The following GABBR1 variants were observed in gnomAD, a reference collection of about 807,000 sequenced individuals.
GABBR1 encodes the protein gamma-aminobutyric acid type B receptor subunit 1, also known as GABA-B receptor, R1 subunit.
GABBR1 carries 35 observed loss-of-function variants against 117.7 expected under a neutral mutation model. That is an observed-to-expected ratio of 0.30 (90% CI 0.23 to 0.39). GABBR1 has a LOEUF of 0.39. Ranked by LOEUF, GABBR1 falls within the 10% of genes least tolerant of loss-of-function variation. The pLI is 1.00. For synonymous variants in GABBR1, 442 were observed against 486.6 expected, an observed-to-expected ratio of 0.91 and a Z score of 1.21; for missense variants, 709 against 1,241.8, an observed-to-expected ratio of 0.57 and a Z score of 6.45.
Position 29,609,092 on chromosome 6 carries a change from C to T in GABBR1, c.1859+137G>A, listed in dbSNP as rs956728688. On this transcript the variant is annotated intron_variant, in intron 15 of 22. Transcript: ENST00000377034. This position sits in a 1 kb window ranked among gnomAD's most constrained non-coding sequence, Gnocchi z 4.3. ...GGGTTATATCTGGTTTCCCTGTTTT[C>T]ATTCTCAACAAGTCAGAATGAAAAA... 1.2e-6 allele frequency: 1 copy of T among 856,166 alleles called. No individual in the cohort carries two copies. The highest frequency in any genetic ancestry group is 1.7e-5 in the African/African-American group (1 of 58,596). 53.0% of individuals were successfully genotyped at this position (856,166 alleles called of 1,614,324 possible).
intron 16 of GABBR1, among the ~76,000 whole-genome samples, chr6:29,608,116 C>T (rs1762144566): frequency 6.6e-6 from 1 of 152,228 alleles, no homozygotes; most frequent in Admixed American, 6.5e-5. Flanking sequence ...CCCCACAGCA[C>T]TAGAACCTTC....
At position 29,612,631 on chromosome 6, in the gene GABBR1, G is replaced by A. The variant is rs200280988; in HGVS notation, c.1567-17C>T. 1,409 of 1,611,620 alleles carry A rather than the reference G, an allele frequency of 8.7e-4. 7 individuals carry two copies. The Middle Eastern group carries it at 0.011, about 12-fold the overall frequency. ...CACATGGCCCTGAGGGAAGGAACAT[G>A]TGGAGCAAGGCAAAGGAGACAAAAG... On this transcript the variant is annotated splice_polypyrimidine_tract_variant and intron_variant, in intron 12 of 22. Transcript: ENST00000377034.
At chr6:29,618,419 C>T (rs1038562732) in intron 11 of GABBR1, among the ~76,000 whole-genome samples, 1 of 152,238 alleles carries the variant, frequency 6.6e-6, no homozygotes, top group African/African-American at 2.4e-5. Flanking sequence ...AGACACTCTA[C>T]TCTGCAGCTT....
chr6:29,629,474 T>C (rs1032258720), intron 4 of GABBR1, among the ~76,000 whole-genome samples: 5 of 152,156 alleles, frequency 3.3e-5, no homozygotes, highest in Non-Finnish European at 2.9e-5. Flanking sequence ...ATTTCTGCAA[T>C]TTTTACAAAA....
chr6:29,627,824 G>C lies in GABBR1; in HGVS notation c.497-178C>G. 7.0e-7 allele frequency: 1 copy of C among 1,421,068 alleles called. No individual in the cohort carries two copies. The highest frequency in any genetic ancestry group is 9.2e-7 in the Non-Finnish European group (1 of 1,090,656). The allele number at this position is 1,421,068 out of a possible 1,614,324, so 88.0% of individuals were successfully genotyped here. On this transcript the variant is annotated intron_variant, in intron 5 of 22. Coordinates refer to ENST00000377034, the MANE Select transcript of GABBR1 (RefSeq NM_001470.4). The surrounding 1 kb of genome is among the most constrained non-coding windows in gnomAD (Gnocchi z 4.4). Reference sequence around the variant, plus strand: ...GGGGCAGGGGTAGCTGTTGGGGAGCGTTAGGAGCTCAGGGGGGACACTTTT... The same window carrying C: ...GGGGCAGGGGTAGCTGTTGGGGAGCCTTAGGAGCTCAGGGGGGACACTTTT...
At position 29,620,971 on chromosome 6, in the gene GABBR1, G is replaced by T; in HGVS notation, c.1323+130C>A. 1 of 689,152 alleles carries T rather than the reference G, an allele frequency of 1.5e-6. No individual in the cohort carries two copies. Among genetic ancestry groups the T allele is most frequent in the Non-Finnish European group, 2.4e-6 (1 of 417,208 alleles). The allele number at this position is 689,152 out of a possible 1,614,324, so 42.7% of individuals were successfully genotyped here. The stretch of plus-strand genomic sequence containing the variant: ...GAAACATAATGCAGACAAGTTCAGG[G>T]TGGGCACAGCCCCCTCTTCTCCTTT... On this transcript the variant is annotated intron_variant, in intron 11 of 22. Coordinates refer to ENST00000377034, the MANE Select transcript of GABBR1 (RefSeq NM_001470.4). The surrounding 1 kb of genome is among the most constrained non-coding windows in gnomAD (Gnocchi z 4.5).
chr6:29,604,842 G>A lies in GABBR1; in HGVS notation c.2568+18C>T. 1 of 1,609,100 alleles carries A rather than the reference G, an allele frequency of 6.2e-7. No individual in the cohort carries two copies. Among genetic ancestry groups the A allele is most frequent in the Non-Finnish European group, 8.5e-7 (1 of 1,178,032 alleles). ...GAACATGGGAACAAAGAGGGTGGGAGAAAAGCCAGATCCTTACCTTGGGCA... is the reference window on the plus strand; with the variant it reads ...GAACATGGGAACAAAGAGGGTGGGAAAAAAGCCAGATCCTTACCTTGGGCA... On this transcript the variant is annotated intron_variant, in intron 21 of 22. Coordinates refer to ENST00000377034, the MANE Select transcript of GABBR1 (RefSeq NM_001470.4). The surrounding 1 kb of genome is among the most constrained non-coding windows in gnomAD (Gnocchi z 5.3).
rs558243762 is a variant in GABBR1 at position 29,609,628 on chromosome 6, T to G, written c.1709-249A>C. Among the ~76,000 whole-genome samples the G allele has an allele frequency of 6.6e-6, 1 of 152,256 alleles. No individual in the cohort carries two copies. Among genetic ancestry groups the G allele is most frequent in the South Asian group, 2.1e-4 (1 of 4,820 alleles). On this transcript the variant is annotated intron_variant, in intron 14 of 22. Transcript: ENST00000377034. This position sits in a 1 kb window ranked among gnomAD's most constrained non-coding sequence, Gnocchi z 4.3. ...ATGGAGTGAATGGTCTATCCATAGG[T>G]TGGGAAATGCTGAGGCATGTCCCCA...
At position 29,602,755 on chromosome 6, in the gene GABBR1, T is replaced by C. The variant is rs752574250; in HGVS notation, c.*788A>G. The C allele has an allele frequency of 5.2e-5, 18 of 343,992 alleles. No individual in the cohort carries two copies. The highest frequency in any genetic ancestry group is 1.3e-4 in the South Asian group (6 of 44,450). 21.3% of individuals were successfully genotyped at this position (343,992 alleles called of 1,614,324 possible). On this transcript the variant is annotated 3_prime_UTR_variant, in exon 23 of 23. Coordinates refer to ENST00000377034, the MANE Select transcript of GABBR1 (RefSeq NM_001470.4). ...CGTGTGCAAATAGGAAAGACATGAC[T>C]CAGCATGCTAGACAAATTGCACATG...
At position 29,621,176 on chromosome 6, in the gene GABBR1, A is replaced by G; in HGVS notation, c.1248T>C (p.Thr416=). Reference sequence around the variant, plus strand: ...TTGTGATGTGGCCCTCCACCGCCTCAGTCATCTCATCCACTGTGCAGTTGA... The same window carrying G: ...TTGTGATGTGGCCCTCCACCGCCTCGGTCATCTCATCCACTGTGCAGTTGA... ...PSINCTVDEM[T]EAVEGHITTE... is the part of the protein sequence containing the mutation. The change falls in exon 11 of 23, where the codon ACT becomes ACC. Residue 416 remains threonine, a synonymous_variant. Coordinates refer to ENST00000377034, the MANE Select transcript of GABBR1 (RefSeq NM_001470.4). This position sits in a 1 kb window ranked among gnomAD's most constrained non-coding sequence, Gnocchi z 5.0. 1.2e-6 allele frequency: 2 copies of G among 1,613,046 alleles called. No homozygotes were observed. Among genetic ancestry groups the G allele is most frequent in the Non-Finnish European group, 1.7e-6 (2 of 1,180,022 alleles).
chr6:29,632,228 A>G lies in GABBR1; in HGVS notation c.85+73T>C. 1.1e-6 allele frequency: 1 copy of G among 911,890 alleles called. No individual in the cohort carries two copies. The highest frequency in any genetic ancestry group is 1.6e-6 in the Non-Finnish European group (1 of 640,124). The allele number at this position is 911,890 out of a possible 1,614,324, so 56.5% of individuals were successfully genotyped here. On this transcript the variant is annotated intron_variant, in intron 2 of 22. Transcript: ENST00000377034. The surrounding 1 kb of genome is among the most constrained non-coding windows in gnomAD (Gnocchi z 5.8). ...TGGGACTGATGGGATAGTGATGAGG[A>G]CCAGAAATGAGGAGATGCAGGGAAA... is the stretch of plus-strand genomic sequence containing the variant.
rs972478570 is a variant in GABBR1, at chr6:29,602,915, T to C, written c.*628A>G. 8.0e-5 allele frequency: 35 copies of C among 436,044 alleles called. No homozygotes were observed. The highest frequency in any genetic ancestry group is 6.7e-4 in the African/African-American group (33 of 49,252). 27.0% of individuals were successfully genotyped at this position (436,044 alleles called of 1,614,324 possible). On this transcript the variant is annotated 3_prime_UTR_variant, in exon 23 of 23. Transcript: ENST00000377034. ...GGAAAAGCGTGTGTACACATGAGCA[T>C]GTTCAGTGGGCACACGCAGGAGAGG...
intron 16 of GABBR1, 42 bp downstream of exon 16, chr6:29,608,559 G>C: frequency 6.3e-7 from 1 of 1,598,206 alleles, no homozygotes; most frequent in Non-Finnish European, 8.5e-7. Flanking sequence ...AGACGGGTGG[G>C]AGAGTCACAT....
At position 29,627,356 on chromosome 6, in the gene GABBR1, G is replaced by A. The variant is rs143945878; in HGVS notation, c.657+130C>T. 0.013 allele frequency: 11,619 copies of A among 927,066 alleles called. 284 individuals carry two copies. Among genetic ancestry groups the A allele is most frequent in the East Asian group, 0.068 (2,525 of 37,394 alleles). The allele number at this position is 927,066 out of a possible 1,614,324, so 57.4% of individuals were successfully genotyped here. Reference sequence around the variant, plus strand: ...CTCCTGCACCCCCAGCCCATCTCCTGCCAGTCACACAAGGGAGGGGTCTGC... The same window carrying A: ...CTCCTGCACCCCCAGCCCATCTCCTACCAGTCACACAAGGGAGGGGTCTGC... On this transcript the variant is annotated intron_variant, in intron 6 of 22. Coordinates refer to ENST00000377034, the MANE Select transcript of GABBR1 (RefSeq NM_001470.4). This position sits in a 1 kb window ranked among gnomAD's most constrained non-coding sequence, Gnocchi z 4.4.
chr6:29,613,620 A>C lies in GABBR1; in HGVS notation c.1324-135T>G. The C allele has an allele frequency of 8.8e-7, 1 of 1,139,902 alleles. No individual in the cohort carries two copies. The highest frequency in any genetic ancestry group is 1.5e-5 in the South Asian group (1 of 66,692). 70.6% of individuals were successfully genotyped at this position (1,139,902 alleles called of 1,614,324 possible). A position where few individuals can be genotyped will look rare whatever the true frequency, so the allele number is the denominator to read the frequency against. ...TACTGTTGTCAGATTGGACACATGT[A>C]CATTCAAAATCTTTAACTATACCCA... On this transcript the variant is annotated intron_variant, in intron 11 of 22. Transcript: ENST00000377034. The surrounding 1 kb of genome is among the most constrained non-coding windows in gnomAD (Gnocchi z 4.1).
chr6:29,630,647 T>C lies in GABBR1; in HGVS notation c.290-4A>G. ...TAAGACTTGGAGCAGATTCGGACTG[T>C]GGAGAGATAGGAAAATAAGAAGAGA... On this transcript the variant is annotated splice_region_variant and splice_polypyrimidine_tract_variant and intron_variant, in intron 3 of 22. Coordinates refer to ENST00000377034, the MANE Select transcript of GABBR1 (RefSeq NM_001470.4). The surrounding 1 kb of genome is among the most constrained non-coding windows in gnomAD (Gnocchi z 4.9). 6.3e-7 allele frequency: 1 copy of C among 1,599,482 alleles called. No homozygotes were observed. Among genetic ancestry groups the C allele is most frequent in the Non-Finnish European group, 8.6e-7 (1 of 1,168,776 alleles).
In GABBR1 at chr6:29,621,674, G is replaced by A. The variant is rs1763760570; in HGVS notation, c.1131+78C>T. ...ATCATATGCTATCAACTCAGGCACA[G>A]ATGCCAAGAGGAGGCCCCACAAGAA... On this transcript the variant is annotated intron_variant, in intron 10 of 22. Coordinates refer to ENST00000377034, the MANE Select transcript of GABBR1 (RefSeq NM_001470.4). The surrounding 1 kb of genome is among the most constrained non-coding windows in gnomAD (Gnocchi z 5.0). 1 of 1,254,002 alleles carries A rather than the reference G, an allele frequency of 8.0e-7. No homozygotes were observed. The highest frequency in any genetic ancestry group is 1.5e-5 in the African/African-American group (1 of 67,702). The allele number at this position is 1,254,002 out of a possible 1,614,324, so 77.7% of individuals were successfully genotyped here.
chr6:29,614,742 A>G (rs1273271487), intron 11 of GABBR1, among the ~76,000 whole-genome samples: 3 of 152,232 alleles, frequency 2.0e-5, no homozygotes, highest in African/African-American at 7.2e-5. Flanking sequence ...AAAGTATTTA[A>G]TAGTAGATAC....
In GABBR1 at chr6:29,618,681, C is replaced by T. The variant is rs570351631; in HGVS notation, c.1323+2420G>A. 5.9e-5 allele frequency among the ~76,000 whole-genome samples: 9 copies of T among 152,254 alleles called. No homozygotes were observed. The South Asian group carries it at 1.7e-3, about 28-fold the overall frequency. On this transcript the variant is annotated intron_variant, in intron 11 of 22. Transcript: ENST00000377034. The stretch of plus-strand genomic sequence containing the variant: ...GCCACCTCCCACATTCCCCTCTAGC[C>T]CACAGCTACATTTCTCTAAAACCAC...
Sources: allele counts gnomAD v4.1 joint callset (sites outside exome capture counted in the v4.1 genomes callset), GRCh38; gene constraint gnomAD v4.1.1; non-coding constraint Gnocchi (gnomAD v3.1); transcripts MANE v1.5; gene names NCBI Gene and HGNC (gene_info 2026-07-23, HGNC 2026-07-21).